The following XKR3 variants were observed in gnomAD, a reference collection of about 807,000 sequenced individuals.
The protein encoded by XKR3 is XK related 3.
A neutral mutation model predicts 40.3 loss-of-function variants in XKR3; 27 were observed. That is an observed-to-expected ratio of 0.67 (90% CI 0.49 to 0.92). The LOEUF (loss-of-function observed/expected upper bound fraction) is 0.92, where lower values mean the gene tolerates loss of function less well. Ranked by LOEUF, XKR3 falls within the 40% of genes least tolerant of loss-of-function variation. The pLI is 0.00. For synonymous variants in XKR3, 193 were observed against 195.4 expected, an observed-to-expected ratio of 0.99 and a Z score of 0.10; for missense variants, 472 against 537.6, an observed-to-expected ratio of 0.88 and a Z score of 1.21.
At position 16,784,765 on chromosome 22, in the gene XKR3, T is replaced by TA. The variant is rs751276667; in HGVS notation, c.590-357dup. On this transcript the variant is annotated intron_variant, in intron 3 of 3. Transcript: ENST00000684488. ...ACAGCACATATAAAGCAGTCTCAAT[T>TA]AAAAAAAAATACCTGAATTAGACAC... is the stretch of plus-strand genomic sequence containing the variant. 1.2e-4 allele frequency among the ~76,000 whole-genome samples: 18 copies of TA among 151,422 alleles called. 1 individual carries two copies. The highest frequency in any genetic ancestry group is 4.2e-4 in the South Asian group (2 of 4,808).
At chr22:16,818,845 G>A (rs953723513) in intron 1 of XKR3, among the ~76,000 whole-genome samples, 7 of 152,060 alleles carry the variant, frequency 4.6e-5, no homozygotes, top group Non-Finnish European at 5.9e-5. Flanking sequence ...AGAGATGATT[G>A]CACTGTGCTT....
intron 3 of XKR3, among the ~76,000 whole-genome samples, chr22:16,793,403 C>A: frequency 6.6e-6 from 1 of 152,210 alleles, no homozygotes; most frequent in South Asian, 2.1e-4. Flanking sequence ...CATATTCCCC[C>A]AAAGGCTGCA....
At chr22:16,821,717 A>G (rs551894366) in intron 1 of XKR3, 7 of 152,146 alleles carry the variant, frequency 4.6e-5, no homozygotes, top group Non-Finnish European at 7.4e-5. Flanking sequence ...TACAAGAATA[A>G]TCAGAAGAAT....
intron 3 of XKR3, among the ~76,000 whole-genome samples, chr22:16,787,990 CA>C (rs1437180110): frequency 1.3e-5 from 2 of 152,066 alleles, no homozygotes; most frequent in Non-Finnish European, 2.9e-5. Flanking sequence ...GGCAAATGGA[CA>C]AAACAGTTAC....
At chr22:16,794,551 G>C (rs1398871626) in intron 3 of XKR3, among the ~76,000 whole-genome samples, 1 of 152,148 alleles carries the variant, frequency 6.6e-6, no homozygotes, top group African/African-American at 2.4e-5. Context: ...AGGCTTTCAA[G>C]ACATCCTCAA....
intron 3 of XKR3, among the ~76,000 whole-genome samples, chr22:16,790,313 G>A (rs1395423865): frequency 2.9e-5 from 4 of 137,128 alleles, no homozygotes; most frequent in Admixed American, 2.2e-4. Context: ...GACAAATGAG[G>A]TTTCATCCTA....
At chr22:16,804,453 A>G (rs2060181726) in intron 2 of XKR3, among the ~76,000 whole-genome samples, 1 of 152,116 alleles carries the variant, frequency 6.6e-6, no homozygotes, top group Non-Finnish European at 1.5e-5. Flanking sequence ...AAGCTGTCCT[A>G]TGTGGGGGAA....
In XKR3 at chr22:16,807,917, A is replaced by G. The variant is rs375756754; in HGVS notation, c.157T>C (p.Tyr53His). The G allele has an allele frequency of 9.3e-6, 15 of 1,613,956 alleles. No individual in the cohort carries two copies. The highest frequency in any genetic ancestry group is 1.3e-5 in the African/African-American group (1 of 74,932). Residue 53 changes from tyrosine (Y) to histidine (H), a missense_variant, in exon 2 of 4, where the codon TAC becomes CAC. Coordinates refer to ENST00000684488, the MANE Select transcript of XKR3 (RefSeq NM_001386955.1). ...GCTTTTCGATAAATTTCAAACATGT[A>G]TAAACCAAAGGCAACCTCACCACAG... is the stretch of plus-strand genomic sequence containing the variant. ...LYCGEVAFGLYMFEIYRKAND... is the reference protein window; with the variant it reads ...LYCGEVAFGLHMFEIYRKAND...
intron 3 of XKR3, among the ~76,000 whole-genome samples, chr22:16,796,520 G>A (rs2060141625): frequency 6.6e-6 from 1 of 152,154 alleles, no homozygotes; most frequent in South Asian, 2.1e-4. Context: ...AATCACAGTA[G>A]GCTTTCTTCC....
Position 16,784,287 on chromosome 22 carries a change from C to T in XKR3, c.712G>A (p.Val238Ile). The change falls in exon 4 of 4, where the codon GTC (valine) becomes ATC (isoleucine). Residue 238 changes from valine (V) to isoleucine (I), a missense_variant. Val to Ile is a conservative substitution (Grantham distance 29). Coordinates refer to ENST00000684488, the MANE Select transcript of XKR3 (RefSeq NM_001386955.1). The stretch of plus-strand genomic sequence containing the variant: ...ACCTCCAAAAAACGCCACATCACGA[C>T]ACAGAAGAATTCTATCGGCGGTAGC... ...IKLPPIEFFC[V>I]VMWRFLEVIS... The T allele has an allele frequency of 6.2e-7, 1 of 1,614,164 alleles. No homozygotes were observed. Among genetic ancestry groups the T allele is most frequent in the South Asian group, 1.1e-5 (1 of 91,080 alleles).
chr22:16,789,802 T>A (rs1601839612), intron 3 of XKR3, among the ~76,000 whole-genome samples: 1 of 152,184 alleles, frequency 6.6e-6, no homozygotes, highest in South Asian at 2.1e-4. Context: ...CAACTGAGTA[T>A]AGTGAGCACA....
intron 1 of XKR3, among the ~76,000 whole-genome samples, chr22:16,816,803 G>A (rs996141628): frequency 2.0e-5 from 3 of 151,846 alleles, no homozygotes; most frequent in African/African-American, 7.2e-5. Context: ...TCTACTCTGA[G>A]CTCAATTTTT....
At chr22:16,808,156 A>G in intron 1 of XKR3, 73 bp from the exon 2 acceptor site, 10 of 1,099,208 alleles carry the variant, frequency 9.1e-6, no homozygotes, top group Non-Finnish European at 1.3e-5. Flanking sequence ...AGTAAACAAG[A>G]TTCTCTATAA....
rs372178576 is a variant in XKR3 at position 16,792,465 on chromosome 22, G to C, written c.589+7306C>G. On this transcript the variant is annotated intron_variant, in intron 3 of 3. Transcript: ENST00000684488. ...ATTTGTAAAAAAATTTCCAACTATAGATCCTATCCCATGGGATATGGTTGT... is the reference window on the plus strand; with the variant it reads ...ATTTGTAAAAAAATTTCCAACTATACATCCTATCCCATGGGATATGGTTGT... Among the ~76,000 whole-genome samples, 924 of 152,298 alleles carry C rather than the reference G, an allele frequency of 6.1e-3. 5 individuals carry two copies. Among genetic ancestry groups the C allele is most frequent in the South Asian group, 0.013 (63 of 4,830 alleles).
At chr22:16,801,489 C>G (rs1386158477) in intron 2 of XKR3, among the ~76,000 whole-genome samples, 1 of 152,120 alleles carries the variant, frequency 6.6e-6, no homozygotes, top group Non-Finnish European at 1.5e-5. Flanking sequence ...TTGCAGTGAG[C>G]TGAGATTACA....
Position 16,798,110 on chromosome 22 carries a change from G to A in XKR3, c.589+1661C>T, listed in dbSNP as rs531518378. ...CAGGAGAATCACTTGAATCTGGGAG[G>A]TGGAGGTTGCAGTGGGTCAAAATCA... On this transcript the variant is annotated intron_variant, in intron 3 of 3. Transcript: ENST00000684488. Among the ~76,000 whole-genome samples the A allele has an allele frequency of 1.2e-4, 18 of 150,942 alleles. 1 individual carries two copies. In the South Asian group the frequency reaches 3.2e-3, roughly 26 times the overall value.
Position 16,799,992 on chromosome 22 carries a change from C to A in XKR3, c.368G>T (p.Trp123Leu), listed in dbSNP as rs148299520. Reference protein sequence around the residue: ...CLHTIRNYHKWLKNLKQEKEE... With the variant: ...CLHTIRNYHKLLKNLKQEKEE... ...CTTCTCCTGTTTAAGATTTTTCAAC[C>A]ATTTGTGGTAATTTCTAATGGTGTG... Residue 123 changes from tryptophan to leucine, a missense_variant, in exon 3 of 4, where the codon TGG becomes TTG. Trp to Leu is a moderately conservative substitution (Grantham distance 61). Coordinates refer to ENST00000684488, the MANE Select transcript of XKR3 (RefSeq NM_001386955.1). 1,305 of 1,614,050 alleles carry A rather than the reference C, an allele frequency of 8.1e-4. 10 individuals carry two copies. The African/African-American group carries it at 0.016, about 19-fold the overall frequency.
rs2060228833 is a variant in XKR3, at chr22:16,815,372, G to T, written c.-10-7289C>A. ...TGCTAGTATTTCCTTGGGAATTTTTGTCTGTATTCATGAAATATATTTGTC... is the reference window on the plus strand; with the variant it reads ...TGCTAGTATTTCCTTGGGAATTTTTTTCTGTATTCATGAAATATATTTGTC... On this transcript the variant is annotated intron_variant, in intron 1 of 3. Coordinates refer to ENST00000684488, the MANE Select transcript of XKR3 (RefSeq NM_001386955.1). Among the ~76,000 whole-genome samples, 3 of 151,876 alleles carry T rather than the reference G, an allele frequency of 2.0e-5. No individual in the cohort carries two copies. In the South Asian group the frequency reaches 6.2e-4, roughly 31 times the overall value.
chr22:16,801,861 G>A (rs187521987), intron 2 of XKR3, among the ~76,000 whole-genome samples: 1 of 152,228 alleles, frequency 6.6e-6, no homozygotes. Context: ...CCAATAACTT[G>A]CAAAAATGAA....
Sources: allele counts gnomAD v4.1 joint callset (sites outside exome capture counted in the v4.1 genomes callset), GRCh38; gene constraint gnomAD v4.1.1; transcripts MANE v1.5; gene names NCBI Gene and HGNC (gene_info 2026-07-23, HGNC 2026-07-21).